PCDH9: variants seen among roughly 807,000 people sequenced by gnomAD.
PCDH9 encodes protocadherin 9, also known as protocadherin-9.
A neutral mutation model predicts 70.6 loss-of-function variants in PCDH9; 24 were observed. The ratio of observed to expected loss-of-function variants is 0.34; its 90% CI spans 0.25 to 0.48. The LOEUF is 0.48. PCDH9 is among the 20% of genes least tolerant of loss of function. The pLI is 0.99. For missense variants in PCDH9, 1,281 were observed against 1,503.6 expected (o/e 0.85, Z 2.45); for synonymous variants, 562 against 558.5 (o/e 1.01, Z -0.09).
chr13:67,031,637 C>A (rs1242577196), intron 2 of PCDH9, among the ~76,000 whole-genome samples: 2 of 152,140 alleles, frequency 1.3e-5, no homozygotes, highest in Admixed American at 1.3e-4. Flanking sequence ...GAGCTGAGAT[C>A]GTGCCACTGC....
intron 3 of PCDH9, among the ~76,000 whole-genome samples, chr13:66,769,482 GTT>G (rs34815868): frequency 6.2e-5 from 9 of 145,280 alleles, no homozygotes; most frequent in African/African-American, 2.3e-4. Context: ...TAGCAACATG[GTT>G]TTTTTTTTTT....
chr13:66,329,380 AGCT>A (rs1566244888), intron 4 of PCDH9, among the ~76,000 whole-genome samples: 1 of 152,188 alleles, frequency 6.6e-6, no homozygotes, highest in Non-Finnish European at 1.5e-5. Flanking sequence ...AGATTCTGGG[AGCT>A]GCTCAGTCAC....
At chr13:66,659,943 TA>T (rs766093312) in intron 3 of PCDH9, among the ~76,000 whole-genome samples, 2 of 152,202 alleles carry the variant, frequency 1.3e-5, no homozygotes, top group Admixed American at 6.5e-5. Flanking sequence ...GACACTGAAA[TA>T]AGCTTATTAA....
intron 2 of PCDH9, among the ~76,000 whole-genome samples, chr13:67,145,946 GGGTC>G (rs1472353451): frequency 6.6e-6 from 1 of 152,006 alleles, no homozygotes; most frequent in Non-Finnish European, 1.5e-5. Context: ...TGACATTATA[GGGTC>G]TTAATATCTA....
intron 4 of PCDH9, among the ~76,000 whole-genome samples, chr13:66,316,880 G>T (rs946386635): frequency 1.3e-5 from 2 of 151,934 alleles, no homozygotes; most frequent in Admixed American, 1.3e-4. Flanking sequence ...GCACAACAAC[G>T]CCTGGCTAAT....
At chr13:66,994,516 G>A (rs186807574) in intron 2 of PCDH9, among the ~76,000 whole-genome samples, 33 of 152,292 alleles carry the variant, frequency 2.2e-4, no homozygotes, top group Admixed American at 1.9e-3. Context: ...AACTGGCACT[G>A]ACGTTGAATT....
chr13:66,970,681 A>G (rs1421376394), intron 2 of PCDH9, among the ~76,000 whole-genome samples: 1 of 149,564 alleles, frequency 6.7e-6, no homozygotes, highest in African/African-American at 2.5e-5. Flanking sequence ...ATTCTCACAC[A>G]TATCCAGGAT....
At chr13:66,742,208 T>A (rs1334697625) in intron 3 of PCDH9, among the ~76,000 whole-genome samples, 29 of 47,662 alleles carry the variant, frequency 6.1e-4, no homozygotes, top group Non-Finnish European at 1.1e-3. Context: ...AACTATCTGA[T>A]CTTTGACAAA....
intron 4 of PCDH9, among the ~76,000 whole-genome samples, chr13:66,486,974 T>C (rs1359625071): frequency 2.6e-5 from 4 of 152,208 alleles, no homozygotes; most frequent in African/African-American, 9.6e-5. Flanking sequence ...ATGGAACCAT[T>C]GATGGTGTGC....
chr13:66,929,029 T>G (rs1194014793), intron 2 of PCDH9, among the ~76,000 whole-genome samples: 1 of 152,120 alleles, frequency 6.6e-6, no homozygotes, highest in Non-Finnish European at 1.5e-5. Context: ...AGAATGCATA[T>G]GTTACAGGAA....
At chr13:66,934,040 G>T (rs2082862722) in intron 2 of PCDH9, among the ~76,000 whole-genome samples, 2 of 151,898 alleles carry the variant, frequency 1.3e-5, no homozygotes, top group African/African-American at 2.4e-5. Context: ...AAATCATGCT[G>T]ACAAATACAC....
At chr13:67,196,771 A>C (rs1056170901) in intron 2 of PCDH9, among the ~76,000 whole-genome samples, 7 of 151,996 alleles carry the variant, frequency 4.6e-5, no homozygotes, top group Non-Finnish European at 8.8e-5. Flanking sequence ...CAAAAAACCC[A>C]AAATCCTACC....
intron 2 of PCDH9, among the ~76,000 whole-genome samples, chr13:67,189,406 C>T (rs770292910): frequency 3.9e-5 from 6 of 151,920 alleles, no homozygotes; most frequent in South Asian, 2.1e-4. Context: ...TAAACACAGA[C>T]GCATGTAACT....
chr13:66,480,888 T>G (rs908056066), intron 4 of PCDH9, among the ~76,000 whole-genome samples: 1 of 152,162 alleles, frequency 6.6e-6, no homozygotes. Context: ...CTGTTCACAA[T>G]AGCAAAGACT....
chr13:67,178,659 G>C (rs1389554131), intron 2 of PCDH9, among the ~76,000 whole-genome samples: 1 of 152,006 alleles, frequency 6.6e-6, no homozygotes, highest in African/African-American at 2.4e-5. Flanking sequence ...CCAGGTCTCT[G>C]CGTATGCTGT....
intron 3 of PCDH9, among the ~76,000 whole-genome samples, chr13:66,774,033 C>T (rs2079852144): frequency 6.6e-6 from 1 of 152,176 alleles, no homozygotes; most frequent in Non-Finnish European, 1.5e-5. Context: ...CTGCCTCAGC[C>T]TCCCAAACTG....
chr13:66,691,535 A>AT (rs980362138), intron 3 of PCDH9, among the ~76,000 whole-genome samples: 1 of 152,120 alleles, frequency 6.6e-6, no homozygotes, highest in African/African-American at 2.4e-5. Flanking sequence ...AAAATACTTG[A>AT]TTTTTTTACT....
At chr13:66,327,131 C>T (rs1199251489) in intron 4 of PCDH9, among the ~76,000 whole-genome samples, 2 of 152,112 alleles carry the variant, frequency 1.3e-5, no homozygotes, top group Non-Finnish European at 1.5e-5. Flanking sequence ...GAAGTAAATA[C>T]ACCAAGTCAC....
At chr13:66,969,244 A>AG (rs2083478415) in intron 2 of PCDH9, among the ~76,000 whole-genome samples, 1 of 152,014 alleles carries the variant, frequency 6.6e-6, no homozygotes, top group Non-Finnish European at 1.5e-5. Flanking sequence ...CTTTGTTATG[A>AG]ATCAGTGTTA....
Sources: allele counts gnomAD v4.1 joint callset (sites outside exome capture counted in the v4.1 genomes callset), GRCh38; gene constraint gnomAD v4.1.1; transcripts MANE v1.5; gene names NCBI Gene and HGNC (gene_info 2026-07-23, HGNC 2026-07-21).